TENM2: variants seen among roughly 807,000 people sequenced by gnomAD.
TENM2 encodes the protein teneurin-2.
A neutral mutation model predicts 245.2 loss-of-function variants in TENM2; 52 were observed. The ratio of observed to expected loss-of-function variants is 0.21; its 90% CI spans 0.17 to 0.27. TENM2 has a LOEUF of 0.27. Among genes scored for constraint, TENM2 ranks in the 10% least tolerant of loss-of-function variants. The pLI is 1.00. For missense variants in TENM2, 3,046 were observed against 3,666.8 expected, an observed-to-expected ratio of 0.83 and a Z score of 4.37; for synonymous variants, 1,363 against 1,438.9, an observed-to-expected ratio of 0.95 and a Z score of 1.19.
intron 2 of TENM2, among the ~76,000 whole-genome samples, chr5:167,638,262 C>T (rs1034548865): frequency 2.6e-5 from 4 of 152,122 alleles, no homozygotes; most frequent in African/African-American, 9.7e-5. Flanking sequence ...CACATATAAT[C>T]TTAGCACTTA....
intron 2 of TENM2, among the ~76,000 whole-genome samples, chr5:167,387,436 T>C (rs771321841): frequency 3.9e-5 from 6 of 152,154 alleles, no homozygotes; most frequent in Non-Finnish European, 5.9e-5. Context: ...TTTAGGGTTT[T>C]CTAGGTAAAC....
At chr5:168,135,868 T>C (rs892442625) in intron 12 of TENM2, among the ~76,000 whole-genome samples, 1 of 152,152 alleles carries the variant, frequency 6.6e-6, no homozygotes, top group African/African-American at 2.4e-5. Context: ...TACCAGCCAG[T>C]GTTTTTTTGG....
intron 1 of TENM2, among the ~76,000 whole-genome samples, chr5:167,315,033 C>A (rs901344798): frequency 6.6e-6 from 1 of 151,914 alleles, no homozygotes; most frequent in Admixed American, 6.6e-5. Context: ...CTTAACCATT[C>A]CTTTCTTGGT....
chr5:167,062,657 C>A, the TENM2 span, among the ~76,000 whole-genome samples: 96,592 of 152,094 alleles, frequency 0.64, 33,002 homozygotes, highest in African/African-American at 0.91. Context: ...CAGGTGAACA[C>A]GACAGGCAAG....
intron 1 of TENM2, among the ~76,000 whole-genome samples, chr5:167,322,477 C>T (rs1280411580): frequency 6.6e-6 from 1 of 152,184 alleles, no homozygotes; most frequent in Non-Finnish European, 1.5e-5. Context: ...TGTGTGACCT[C>T]AGCTATGCAA....
At chr5:167,395,174 A>G (rs1449950814) in intron 2 of TENM2, among the ~76,000 whole-genome samples, 5 of 152,050 alleles carry the variant, frequency 3.3e-5, no homozygotes, top group Admixed American at 1.3e-4. Flanking sequence ...TTCTTTTATA[A>G]AAGTTTTATA....
In TENM2 at chr5:168,202,095, T is replaced by A. The variant is rs143382471; in HGVS notation, c.3431-1594T>A. On this transcript the variant is annotated intron_variant, in intron 17 of 28. Coordinates refer to ENST00000518659, the Ensembl canonical transcript of TENM2. ...TTTTAGAGATTTCAGTAGCCATTGA[T>A]GCTCATTGCCTAGTCTGTCTGGCCA... 4.5e-3 allele frequency among the ~76,000 whole-genome samples: 686 copies of A among 152,340 alleles called. 5 individuals are homozygous for A. The highest frequency in any genetic ancestry group is 0.017 in the Middle Eastern group (5 of 294).
At chr5:167,580,920 C>T (rs1296355007) in intron 2 of TENM2, among the ~76,000 whole-genome samples, 2 of 152,168 alleles carry the variant, frequency 1.3e-5, no homozygotes, top group Admixed American at 1.3e-4. Flanking sequence ...ACCCAGGAGG[C>T]GGACGTTGTA....
At chr5:167,986,429 T>G (rs1360281752) in intron 4 of TENM2, among the ~76,000 whole-genome samples, 1 of 152,232 alleles carries the variant, frequency 6.6e-6, no homozygotes, top group African/African-American at 2.4e-5. Flanking sequence ...GACAGAATGC[T>G]GGGTGCTGTG....
chr5:167,103,953 C>G, the TENM2 span, among the ~76,000 whole-genome samples: 5 of 152,030 alleles, frequency 3.3e-5, no homozygotes, highest in Non-Finnish European at 7.4e-5. Context: ...TTTCCCCCAC[C>G]CTGGAATGTC....
chr5:167,872,353 AG>A (rs765994295), intron 2 of TENM2, among the ~76,000 whole-genome samples: 17 of 136,622 alleles, frequency 1.2e-4, no homozygotes, highest in African/African-American at 4.4e-4. Context: ...AAAGAAAGAA[AG>A]GAAAGAGAAG....
At chr5:168,162,376 G>T (rs1757817901) in intron 12 of TENM2, among the ~76,000 whole-genome samples, 2 of 152,328 alleles carry the variant, frequency 1.3e-5, no homozygotes, top group South Asian at 4.1e-4. Flanking sequence ...CTTTGGGAAG[G>T]TTGCCTCTGA....
At chr5:167,114,560 T>C in the TENM2 span, among the ~76,000 whole-genome samples, 1 of 152,246 alleles carries the variant, frequency 6.6e-6, no homozygotes, top group Non-Finnish European at 1.5e-5. Context: ...GTCTTACCCA[T>C]ATGTGTTAGA....
chr5:167,909,902 G>A (rs1003992585), intron 3 of TENM2, among the ~76,000 whole-genome samples: 2 of 147,270 alleles, frequency 1.4e-5, no homozygotes, highest in Non-Finnish European at 3.0e-5. Flanking sequence ...TTGAAATTGT[G>A]AGTAAGGCTT....
At chr5:167,486,720 A>AT (rs970696760) in intron 2 of TENM2, among the ~76,000 whole-genome samples, 15 of 151,732 alleles carry the variant, frequency 9.9e-5, no homozygotes, top group African/African-American at 1.9e-4. Flanking sequence ...CAATGTAATG[A>AT]TTTTTTTTTC....
At chr5:167,807,890 T>C (rs1766346791) in intron 2 of TENM2, among the ~76,000 whole-genome samples, 1 of 152,148 alleles carries the variant, frequency 6.6e-6, no homozygotes, top group African/African-American at 2.4e-5. Context: ...AATCAGAATG[T>C]GTAGGAATGG....
intron 2 of TENM2, among the ~76,000 whole-genome samples, chr5:167,858,809 G>A (rs1456425359): frequency 5.4e-5 from 8 of 149,216 alleles, no homozygotes; most frequent in African/African-American, 4.9e-5. Context: ...CCGCGCCGGC[G>A]AGCGCCGCCC....
intron 1 of TENM2, among the ~76,000 whole-genome samples, chr5:167,290,334 AAGCTCTACCATAT>A (rs1754559198): frequency 6.6e-6 from 1 of 152,164 alleles, no homozygotes; most frequent in Non-Finnish European, 1.5e-5. Flanking sequence ...CCATTTGTAA[AAGCTCTACCATAT>A]ATAGGTATTG....
chr5:167,597,278 C>T (rs1408066622), intron 2 of TENM2, among the ~76,000 whole-genome samples: 1 of 151,516 alleles, frequency 6.6e-6, no homozygotes, highest in Admixed American at 6.6e-5. Context: ...GATTCTCCTG[C>T]CTCAGCCTCC....
Sources: allele counts gnomAD v4.1 joint callset (sites outside exome capture counted in the v4.1 genomes callset), GRCh38; gene constraint gnomAD v4.1.1; transcripts MANE v1.5; gene names NCBI Gene and HGNC (gene_info 2026-07-23, HGNC 2026-07-21).